The following FAAP20 variants were observed in gnomAD, a reference collection of about 807,000 sequenced individuals.
FAAP20 encodes FA core complex associated protein 20.
FAAP20 carries 12 observed loss-of-function variants against 16.2 expected under a neutral mutation model. That is an observed-to-expected ratio of 0.74 (90% confidence interval 0.48 to 1.20). The LOEUF is 1.20. Among genes scored for constraint, FAAP20 ranks in the 50% most tolerant of loss-of-function variants. FAAP20 has a pLI of 0.00. For synonymous variants in FAAP20, 141 were observed against 110.7 expected, an observed-to-expected ratio of 1.27 and a Z score of -1.72; for missense variants, 288 against 245.8, an observed-to-expected ratio of 1.17 and a Z score of -1.15.
Position 2,193,397 on chromosome 1 carries a change from T to C in FAAP20, c.470+242A>G, listed in dbSNP as rs1300336660. 4.9e-6 allele frequency: 3 copies of C among 617,160 alleles called. No individual in the cohort carries two copies. In the East Asian group the frequency reaches 9.1e-5, roughly 19 times the overall value. The allele number at this position is 617,160 out of a possible 1,614,324, so 38.2% of individuals were successfully genotyped here. On this transcript the variant is annotated intron_variant, in intron 3 of 3. Transcript: ENST00000378546. ...CCGGGGCCAGTGCTCCCAGCCTTCC[T>C]TCTGTGCTGTTCTGTGGGCCCCCAG...
downstream of FAAP20, chr1:2,184,737 G>C: frequency 6.3e-7 from 1 of 1,579,986 alleles, no homozygotes; most frequent in Non-Finnish European, 8.6e-7. Flanking sequence ...AGCACCCCTC[G>C]GGCAGCCCCA....
upstream of FAAP20, among the ~76,000 whole-genome samples, chr1:2,195,965 G>A (rs1305752614): frequency 6.6e-6 from 1 of 152,212 alleles, no homozygotes; most frequent in African/African-American, 2.4e-5. Flanking sequence ...CCCGGGCAGG[G>A]GGAGGGGGCC....
At chr1:2,192,652 C>T in intron 3 of FAAP20, 1 of 1,188,360 alleles carries the variant, frequency 8.4e-7, no homozygotes, top group South Asian at 1.6e-5. Flanking sequence ...CTTACTCTGT[C>T]ACCCAGGCTG....
At chr1:2,202,892 C>T (rs1199754306), upstream of FAAP20, among the ~76,000 whole-genome samples, 1 of 152,204 alleles carries the variant, frequency 6.6e-6, no homozygotes, top group African/African-American at 2.4e-5. Context: ...GCCATATACC[C>T]CCACTTCTGG....
At chr1:2,203,563 C>A, upstream of FAAP20, 2 of 986,120 alleles carry the variant, frequency 2.0e-6, no homozygotes, top group South Asian at 9.4e-5. Context: ...GTGCCCCTCA[C>A]CTGGGGTGGA....
At chr1:2,189,508 T>G, downstream of FAAP20, 8 of 605,226 alleles carry the variant, frequency 1.3e-5, no homozygotes, top group South Asian at 1.5e-4. Context: ...CTGCAGTGAA[T>G]CTGCCCTAAA....
chr1:2,203,540 C>G (rs942386703), upstream of FAAP20: 3 of 986,020 alleles, frequency 3.0e-6, no homozygotes, highest in South Asian at 9.4e-5. Context: ...GTAGGCAGCT[C>G]TGGAGCTGGC....
chr1:2,185,885 G>A (rs983065430), downstream of FAAP20: 9 of 360,350 alleles, frequency 2.5e-5, no homozygotes, highest in East Asian at 7.0e-5. Context: ...TGCATGTGAC[G>A]GACCCCAGCC....
chr1:2,208,252 G>A (rs554214345), downstream of FAAP20, among the ~76,000 whole-genome samples: 4 of 152,220 alleles, frequency 2.6e-5, no homozygotes, highest in African/African-American at 9.6e-5. Flanking sequence ...ATGGCCCTGG[G>A]TCCCAGGCCA....
At chr1:2,209,410 A>G (rs1219524281), downstream of FAAP20, among the ~76,000 whole-genome samples, 6 of 152,258 alleles carry the variant, frequency 3.9e-5, no homozygotes, top group East Asian at 1.2e-3. Flanking sequence ...ATGCTCTCCC[A>G]AGGAAGCTGC....
chr1:2,197,937 G>A, upstream of FAAP20: 1 of 1,238,344 alleles, frequency 8.1e-7, no homozygotes, highest in Non-Finnish European at 1.1e-6. Flanking sequence ...TGCCAGCCGA[G>A]GGCCTGGAAG....
upstream of FAAP20, among the ~76,000 whole-genome samples, chr1:2,201,611 A>G (rs1181004003): frequency 6.6e-6 from 1 of 152,184 alleles, no homozygotes; most frequent in East Asian, 1.9e-4. Flanking sequence ...AGTCCCAGTT[A>G]TGTGGGAGGC....
chr1:2,203,218 G>A (rs749525559), upstream of FAAP20, among the ~76,000 whole-genome samples: 5 of 152,222 alleles, frequency 3.3e-5, no homozygotes, highest in South Asian at 6.2e-4. Context: ...CAGGCCCTTC[G>A]CCTGCAGCCC....
downstream of FAAP20, among the ~76,000 whole-genome samples, chr1:2,189,294 T>TG (rs34825103): frequency 0.2 from 29,447 of 148,108 alleles, 2,982 homozygotes; most frequent in Middle Eastern, 0.28. Context: ...ATTGCACCAC[T>TG]GCACTCCAGC....
upstream of FAAP20, chr1:2,199,364 C>G: frequency 9.7e-7 from 1 of 1,025,930 alleles, no homozygotes; most frequent in Non-Finnish European, 1.2e-6. This position sits in a 1 kb window ranked among gnomAD's most constrained non-coding sequence, Gnocchi z 4.5. Flanking sequence ...AGATCCTGCT[C>G]TGACGTCCCC....
At chr1:2,185,298 A>C (rs778777886), downstream of FAAP20, 2 of 718,496 alleles carry the variant, frequency 2.8e-6, no homozygotes, top group South Asian at 3.0e-5. Context: ...TCCAAGGTGC[A>C]CATTTTCCAC....
chr1:2,202,844 T>A (rs1325473091), upstream of FAAP20, among the ~76,000 whole-genome samples: 1 of 152,216 alleles, frequency 6.6e-6, no homozygotes. Context: ...GTCAAACTCC[T>A]GGCCTCAAGC....
chr1:2,184,527 A>G (rs373967833), downstream of FAAP20: 59 of 1,357,044 alleles, frequency 4.3e-5, no homozygotes, highest in Admixed American at 1.3e-4. Flanking sequence ...AAAACACTCA[A>G]TCTGGTAGGG....
At chr1:2,211,816 C>A (rs1689455250), downstream of FAAP20, among the ~76,000 whole-genome samples, 1 of 150,168 alleles carries the variant, frequency 6.7e-6, no homozygotes, top group South Asian at 2.1e-4. Flanking sequence ...AACTCCTGAC[C>A]TCAGGTGATC....
Sources: allele counts gnomAD v4.1 joint callset (sites outside exome capture counted in the v4.1 genomes callset), GRCh38; gene constraint gnomAD v4.1.1; non-coding constraint Gnocchi (gnomAD v3.1); transcripts MANE v1.5; gene names NCBI Gene and HGNC (gene_info 2026-07-23, HGNC 2026-07-21).